Variants in PPP1R9A observed in about 807,000 individuals in gnomAD.
The protein encoded by PPP1R9A is neurabin-1.
PPP1R9A carries 59 observed loss-of-function variants against 141.9 expected under a neutral mutation model. That is an observed-to-expected ratio of 0.42 (90% CI 0.34 to 0.52). The LOEUF is 0.52. PPP1R9A is among the 20% of genes least tolerant of loss of function. PPP1R9A has a pLI of 0.10. For missense variants in PPP1R9A, 1,444 were observed against 1,611.9 expected, an observed-to-expected ratio of 0.90 and a Z score of 1.78; for synonymous variants, 500 against 569.7, an observed-to-expected ratio of 0.88 and a Z score of 1.74.
chr7:94,956,933 A>C (rs12704773), intron 2 of PPP1R9A, among the ~76,000 whole-genome samples: 11,393 of 152,206 alleles, frequency 0.075, 538 homozygotes, highest in East Asian at 0.17. Flanking sequence ...ATAACTGCAT[A>C]CTGAAGTAAT....
At chr7:95,144,384 T>A (rs186975366) in intron 4 of PPP1R9A, among the ~76,000 whole-genome samples, 1 of 152,212 alleles carries the variant, frequency 6.6e-6, no homozygotes, top group Non-Finnish European at 1.5e-5. Flanking sequence ...ATTTTCTTTA[T>A]CCATTTATCC....
At chr7:95,033,873 T>G (rs1296273188) in intron 2 of PPP1R9A, among the ~76,000 whole-genome samples, 1 of 152,178 alleles carries the variant, frequency 6.6e-6, no homozygotes, top group African/African-American at 2.4e-5. Context: ...CATTTGTCTT[T>G]TGTTTTTGTG....
chr7:94,950,472 G>T (rs560350310), intron 2 of PPP1R9A, among the ~76,000 whole-genome samples: 25 of 152,006 alleles, frequency 1.6e-4, no homozygotes, highest in African/African-American at 5.8e-4. Flanking sequence ...TTAGCCCTTT[G>T]TTCTTCTGTG....
At chr7:94,928,962 A>G (rs938897647) in intron 2 of PPP1R9A, among the ~76,000 whole-genome samples, 4 of 152,208 alleles carry the variant, frequency 2.6e-5, no homozygotes, top group Non-Finnish European at 5.9e-5. Flanking sequence ...TGCAGGAAAG[A>G]TACTGTGGAT....
chr7:95,181,384 A>T (rs1365482497), intron 5 of PPP1R9A, among the ~76,000 whole-genome samples: 20 of 138,662 alleles, frequency 1.4e-4, no homozygotes, highest in African/African-American at 5.4e-4. Context: ...ATATAGAGAG[A>T]ATAGAGAGAA....
At position 95,063,016 on chromosome 7, in the gene PPP1R9A, A is replaced by G. The variant is rs115150186; in HGVS notation, c.1396-48243A>G. 5.4e-3 allele frequency among the ~76,000 whole-genome samples: 827 copies of G among 152,298 alleles called. 8 individuals carry two copies. The highest frequency in any genetic ancestry group is 0.019 in the African/African-American group (773 of 41,560). On this transcript the variant is annotated intron_variant, in intron 2 of 19. Coordinates refer to ENST00000433360, the MANE Select transcript of PPP1R9A (RefSeq NM_001166160.2). The stretch of plus-strand genomic sequence containing the variant: ...AGAGTGTTGTGATGAAGCAGAGCTG[A>G]AAGTCTAATGTGAAAAAGAGGAAAA...
intron 2 of PPP1R9A, among the ~76,000 whole-genome samples, chr7:95,062,938 A>C (rs896945359): frequency 6.6e-6 from 1 of 152,194 alleles, no homozygotes; most frequent in African/African-American, 2.4e-5. Context: ...TTGCAGCTGC[A>C]GTCCTGCAAA....
At chr7:95,237,974 A>T (rs1563477891) in intron 8 of PPP1R9A, among the ~76,000 whole-genome samples, 1 of 151,794 alleles carries the variant, frequency 6.6e-6, no homozygotes, top group Non-Finnish European at 1.5e-5. Context: ...TCAAATTTTC[A>T]TCTGCTGCTT....
chr7:95,017,766 T>G (rs1188002765), intron 2 of PPP1R9A, among the ~76,000 whole-genome samples: 1 of 152,190 alleles, frequency 6.6e-6, no homozygotes, highest in Non-Finnish European at 1.5e-5. Context: ...CGATAGAGAA[T>G]CTAAAAGTAG....
At position 95,286,407 on chromosome 7, in the gene PPP1R9A, G is replaced by C. The variant is rs570173193; in HGVS notation, c.3729+82G>C. ...AACCATCACCAGGAAAATGTTTTTA[G>C]GGTAGATATTGCATAGAAATCATCA... On this transcript the variant is annotated intron_variant, in intron 18 of 19. Transcript: ENST00000433360. The C allele has an allele frequency of 3.2e-6, 5 of 1,564,622 alleles. 1 individual carries two copies. Among genetic ancestry groups the C allele is most frequent in the Non-Finnish European group, 4.3e-6 (5 of 1,157,054 alleles).
At chr7:95,023,686 G>C (rs1013044844) in intron 2 of PPP1R9A, among the ~76,000 whole-genome samples, 1 of 151,870 alleles carries the variant, frequency 6.6e-6, no homozygotes, top group Non-Finnish European at 1.5e-5. Context: ...TGAGTAGCTG[G>C]GACTACAGGC....
rs990083393 is a variant in PPP1R9A, at chr7:95,137,699, G to T, written c.1649+16867G>T. Among the ~76,000 whole-genome samples the T allele has an allele frequency of 4.6e-5, 7 of 151,988 alleles. 1 individual carries two copies. The highest frequency in any genetic ancestry group is 1.3e-4 in the Admixed American group (2 of 15,262). ...TAGCAGGTTTTTTGTTGTTCTTGTT[G>T]TTTTTGGAGAAATTGACAAGATTGT... On this transcript the variant is annotated intron_variant, in intron 4 of 19. Transcript: ENST00000433360.
At chr7:95,213,169 A>C (rs1385120466) in intron 7 of PPP1R9A, among the ~76,000 whole-genome samples, 1 of 151,882 alleles carries the variant, frequency 6.6e-6, no homozygotes, top group East Asian at 1.9e-4. Context: ...TATGTTTCAG[A>C]TTATCTTTCC....
chr7:95,238,390 T>C (rs1796996494), intron 8 of PPP1R9A, among the ~76,000 whole-genome samples: 1 of 152,082 alleles, frequency 6.6e-6, no homozygotes, highest in Non-Finnish European at 1.5e-5. Context: ...GGGCCTGAAA[T>C]AGGCTATCCC....
intron 2 of PPP1R9A, among the ~76,000 whole-genome samples, chr7:95,043,937 A>G (rs928588114): frequency 3.3e-5 from 5 of 152,204 alleles, no homozygotes; most frequent in Admixed American, 6.5e-5. Context: ...TTGTTCATTA[A>G]TTTTCTTAGG....
chr7:94,978,583 G>A (rs1330157836), intron 2 of PPP1R9A, among the ~76,000 whole-genome samples: 1 of 151,288 alleles, frequency 6.6e-6, no homozygotes, highest in African/African-American at 2.4e-5. Flanking sequence ...TCTTTTTTTT[G>A]TGGGCTGCAT....
At chr7:94,934,257 C>G (rs2150869881) in intron 2 of PPP1R9A, among the ~76,000 whole-genome samples, 1 of 152,298 alleles carries the variant, frequency 6.6e-6, no homozygotes, top group African/African-American at 2.4e-5. Context: ...GTTAATGTGT[C>G]TTCCCTGTAT....
At chr7:95,151,841 A>T (rs1445995532) in intron 4 of PPP1R9A, among the ~76,000 whole-genome samples, 1 of 151,714 alleles carries the variant, frequency 6.6e-6, no homozygotes, top group Non-Finnish European at 1.5e-5. Flanking sequence ...AGGTAGGAGA[A>T]GGGTAATGTT....
chr7:95,065,151 G>A (rs1014426989), intron 2 of PPP1R9A, among the ~76,000 whole-genome samples: 4 of 151,960 alleles, frequency 2.6e-5, no homozygotes, highest in African/African-American at 4.8e-5. Flanking sequence ...CTGCAGCCTC[G>A]ACCTCCTGGG....
Sources: allele counts gnomAD v4.1 joint callset (sites outside exome capture counted in the v4.1 genomes callset), GRCh38; gene constraint gnomAD v4.1.1; transcripts MANE v1.5; gene names NCBI Gene and HGNC (gene_info 2026-07-23, HGNC 2026-07-21).